GPR39: variants seen among roughly 807,000 people sequenced by gnomAD.
GPR39 encodes zinc sensing receptor.
GPR39 carries 23 observed loss-of-function variants against 18.4 expected under a neutral mutation model. The ratio of observed to expected loss-of-function variants is 1.25; its 90% CI spans 0.90 to 1.77. The LOEUF (loss-of-function observed/expected upper bound fraction) is 1.77, where lower values mean the gene tolerates loss of function less well. Among genes scored for constraint, GPR39 ranks in the 40% most tolerant of loss-of-function variants. The probability of loss-of-function intolerance (pLI) is 0.00; values close to 1 mark genes in which losing one functional copy is unlikely to be tolerated. For synonymous variants in GPR39, 280 were observed against 257.9 expected (o/e 1.09, Z -0.82); for missense variants, 647 against 602.4 (o/e 1.07, Z -0.78).
intron 1 of GPR39, among the ~76,000 whole-genome samples, chr2:132,465,028 T>C (rs1680902156): frequency 1.3e-5 from 2 of 152,224 alleles, no homozygotes; most frequent in African/African-American, 4.8e-5. Flanking sequence ...TTCAAAATGA[T>C]GATTTGACTT....
chr2:132,532,628 G>A (rs562237528), intron 1 of GPR39, among the ~76,000 whole-genome samples: 29 of 152,212 alleles, frequency 1.9e-4, no homozygotes, highest in South Asian at 4.2e-4. Flanking sequence ...CCAGCAGCAC[G>A]TCAAAAAGCT....
chr2:132,578,238 C>T (rs1056117516), intron 1 of GPR39, among the ~76,000 whole-genome samples: 2 of 152,190 alleles, frequency 1.3e-5, no homozygotes, highest in East Asian at 3.9e-4. Flanking sequence ...AAAACGCTTA[C>T]TGCTCATGAT....
intron 1 of GPR39, among the ~76,000 whole-genome samples, chr2:132,553,060 G>A (rs1187850060): frequency 6.6e-6 from 1 of 151,250 alleles, no homozygotes; most frequent in Non-Finnish European, 1.5e-5. Context: ...CAAGTAGATT[G>A]GATTACAGGT....
intron 1 of GPR39, among the ~76,000 whole-genome samples, chr2:132,459,224 C>T (rs1257932377): frequency 1.3e-5 from 2 of 151,470 alleles, no homozygotes; most frequent in African/African-American, 4.9e-5. Flanking sequence ...GTGTTTGTGT[C>T]TCTTGTTTAG....
In GPR39 at chr2:132,439,140, C is replaced by T. The variant is rs1001416023; in HGVS notation, c.856+21242C>T. On this transcript the variant is annotated intron_variant, in intron 1 of 1. Transcript: ENST00000329321. ...TCTCTTCATGCTCCACCTGGCCATT[C>T]GTAACAAGCATTAGATGTGAAATTT... Among the ~76,000 whole-genome samples, 93 of 152,222 alleles carry T rather than the reference C, an allele frequency of 6.1e-4. 1 individual carries two copies. The highest frequency in any genetic ancestry group is 2.1e-3 in the African/African-American group (88 of 41,514).
At chr2:132,474,188 G>A (rs1681083715) in intron 1 of GPR39, among the ~76,000 whole-genome samples, 1 of 152,172 alleles carries the variant, frequency 6.6e-6, no homozygotes, top group Non-Finnish European at 1.5e-5. Context: ...CAAAGGCGAA[G>A]TTACCCAGCA....
chr2:132,635,347 C>T (rs1681732410), intron 1 of GPR39, among the ~76,000 whole-genome samples: 2 of 152,180 alleles, frequency 1.3e-5, no homozygotes, highest in African/African-American at 4.8e-5. Context: ...CCTTGAATTT[C>T]TAGTCTAGTT....
intron 1 of GPR39, among the ~76,000 whole-genome samples, chr2:132,628,289 G>C (rs1024474668): frequency 2.6e-5 from 4 of 152,168 alleles, no homozygotes; most frequent in African/African-American, 9.7e-5. Flanking sequence ...GGCTTGCACT[G>C]GTTTGCTTGG....
intron 1 of GPR39, among the ~76,000 whole-genome samples, chr2:132,522,447 C>T (rs374149999): frequency 1.7e-3 from 262 of 152,264 alleles, no homozygotes; most frequent in Non-Finnish European, 3.0e-3. Context: ...TAACAAAAGC[C>T]AAAAGCCAAA....
At chr2:132,600,003 C>T (rs776188801) in intron 1 of GPR39, among the ~76,000 whole-genome samples, 2 of 152,222 alleles carry the variant, frequency 1.3e-5, no homozygotes, top group Non-Finnish European at 2.9e-5. Context: ...TGACTCTCCA[C>T]ATCATAGCTC....
At chr2:132,544,859 T>G (rs554028068) in intron 1 of GPR39, among the ~76,000 whole-genome samples, 4 of 152,248 alleles carry the variant, frequency 2.6e-5, no homozygotes, top group Admixed American at 1.3e-4. Context: ...GGGCTCAGAA[T>G]GGGAAGTGCA....
chr2:132,596,075 A>G (rs1033075718), intron 1 of GPR39, among the ~76,000 whole-genome samples: 11 of 152,160 alleles, frequency 7.2e-5, no homozygotes, highest in African/African-American at 2.7e-4. Context: ...CCTGCACCCC[A>G]GCACAGTGCA....
intron 1 of GPR39, among the ~76,000 whole-genome samples, chr2:132,439,976 GT>G (rs763254927): frequency 9.2e-5 from 14 of 152,304 alleles, no homozygotes; most frequent in Admixed American, 4.6e-4. Context: ...GGAGTCCAAG[GT>G]GCATTGTTAC....
intron 1 of GPR39, among the ~76,000 whole-genome samples, chr2:132,567,897 C>T (rs1050285549): frequency 1.3e-5 from 2 of 152,116 alleles, no homozygotes; most frequent in Non-Finnish European, 1.5e-5. Context: ...CACAAGCGCT[C>T]TTCTCTTGTC....
chr2:132,530,016 G>A (rs1393375577), intron 1 of GPR39, among the ~76,000 whole-genome samples: 4 of 152,154 alleles, frequency 2.6e-5, no homozygotes, highest in Admixed American at 6.5e-5. Context: ...TGACTTTGAC[G>A]AGTTGAGAGA....
intron 1 of GPR39, among the ~76,000 whole-genome samples, chr2:132,525,149 T>A (rs1679486487): frequency 1.3e-5 from 2 of 152,186 alleles, no homozygotes; most frequent in Non-Finnish European, 2.9e-5. Context: ...TGGGTTTTCT[T>A]TCCCACTTCT....
intron 1 of GPR39, among the ~76,000 whole-genome samples, chr2:132,577,149 G>A (rs1206418459): frequency 1.3e-5 from 2 of 151,744 alleles, no homozygotes; most frequent in Non-Finnish European, 2.9e-5. Context: ...TTGAGCTCAG[G>A]AGTTCGAGAC....
chr2:132,610,777 CAAA>C (rs34611787), intron 1 of GPR39, among the ~76,000 whole-genome samples: 15 of 88,710 alleles, frequency 1.7e-4, no homozygotes, highest in Admixed American at 3.7e-4. Flanking sequence ...ACTCTGTCTC[CAAA>C]AAAAAAAAAA....
intron 1 of GPR39, among the ~76,000 whole-genome samples, chr2:132,447,643 T>G (rs1429101074): frequency 6.6e-6 from 1 of 152,194 alleles, no homozygotes; most frequent in East Asian, 1.9e-4. Context: ...GAGCCTTAAC[T>G]AAGAACATTA....
Sources: allele counts gnomAD v4.1 joint callset (sites outside exome capture counted in the v4.1 genomes callset), GRCh38; gene constraint gnomAD v4.1.1; transcripts MANE v1.5; gene names NCBI Gene and HGNC (gene_info 2026-07-23, HGNC 2026-07-21).